KATNAL2: variants seen among roughly 807,000 people sequenced by gnomAD.
The protein encoded by KATNAL2 is katanin catalytic subunit A1 like 2.
A neutral mutation model predicts 76.3 loss-of-function variants in KATNAL2; 52 were observed. That is an observed-to-expected ratio of 0.68 (90% CI 0.55 to 0.86). KATNAL2 has a LOEUF of 0.86. KATNAL2 is among the 40% of genes least tolerant of loss of function. The pLI is 0.00. For missense variants in KATNAL2, 660 were observed against 668.9 expected (o/e 0.99, Z 0.15); for synonymous variants, 243 against 244.2 (o/e 1.00, Z 0.05).
Position 47,094,597 on chromosome 18 carries a change from T to G in KATNAL2, c.1212-4646T>G, listed in dbSNP as rs146183508. On this transcript the variant is annotated intron_variant, in intron 15 of 17. Transcript: ENST00000683218. Reference sequence around the variant, plus strand: ...AAGCTCTGTGCATGTGGCAAAGGCTTGCCAACTGTGGGCTCCATGTATTGA... The same window carrying G: ...AAGCTCTGTGCATGTGGCAAAGGCTGGCCAACTGTGGGCTCCATGTATTGA... 3.9e-4 allele frequency among the ~76,000 whole-genome samples: 60 copies of G among 152,344 alleles called. No homozygotes were observed. The East Asian group carries it at 9.5e-3, about 24-fold the overall frequency.
Position 47,025,502 on chromosome 18 carries a change from AGTGTGTGTGTGTGTGTGTGT to A in KATNAL2, c.52-20928_52-20909del, listed in dbSNP as rs139200050. ...ACATGACTTTCTCTCTCTCTCTCTCAGTGTGTGTGTGTGTGTGTGTGTGTGTGTGTGTGTGTGTGTGTGTG... is the reference window on the plus strand; with the variant it reads ...ACATGACTTTCTCTCTCTCTCTCTCAGTGTGTGTGTGTGTGTGTGTGTGTG... On this transcript the variant is annotated intron_variant, in intron 3 of 17. Coordinates refer to ENST00000683218, the MANE Select transcript of KATNAL2 (RefSeq NM_001387690.1). 9.0e-5 allele frequency among the ~76,000 whole-genome samples: 13 copies of A among 144,724 alleles called. No individual in the cohort carries two copies. In the East Asian group the frequency reaches 1.8e-3, roughly 21 times the overall value. The allele number at this position is 144,724 out of a possible 152,430, so 94.9% of individuals were successfully genotyped here.
At chr18:47,069,972 G>A (rs996591506) in intron 13 of KATNAL2, among the ~76,000 whole-genome samples, 2 of 151,974 alleles carry the variant, frequency 1.3e-5, no homozygotes, top group Non-Finnish European at 2.9e-5. Flanking sequence ...GGCTACTACT[G>A]TATGTTAGTC....
chr18:46,956,330 T>C (rs1166233838), intron 3 of KATNAL2, among the ~76,000 whole-genome samples: 1 of 152,238 alleles, frequency 6.6e-6, no homozygotes, highest in Non-Finnish European at 1.5e-5. Context: ...CTAAATGGGA[T>C]TAGTGACACT....
intron 1 of KATNAL2, among the ~76,000 whole-genome samples, chr18:46,924,035 C>G (rs2146499965): frequency 6.6e-6 from 1 of 152,270 alleles, no homozygotes; most frequent in Non-Finnish European, 1.5e-5. Flanking sequence ...TGCCTGTTCA[C>G]TCTGATGCTA....
At chr18:47,034,820 G>C in intron 3 of KATNAL2, 1 of 1,612,122 alleles carries the variant, frequency 6.2e-7, no homozygotes, top group South Asian at 1.1e-5. Flanking sequence ...CTGGGCTCGC[G>C]ACTGTGAGAC....
intron 3 of KATNAL2, among the ~76,000 whole-genome samples, chr18:46,954,474 G>A (rs1217433832): frequency 6.6e-6 from 1 of 151,526 alleles, no homozygotes; most frequent in Non-Finnish European, 1.5e-5. Flanking sequence ...GGGACTACAG[G>A]TGTGTGCCAC....
chr18:47,035,530 C>T (rs540106663), intron 3 of KATNAL2: 1 of 690,676 alleles, frequency 1.4e-6, no homozygotes, highest in East Asian at 2.8e-5. Flanking sequence ...CTGCAGTTTG[C>T]TGTGCAACAA....
At chr18:47,061,225 T>C (rs1250033625) in intron 8 of KATNAL2, among the ~76,000 whole-genome samples, 1 of 152,202 alleles carries the variant, frequency 6.6e-6, no homozygotes, top group Non-Finnish European at 1.5e-5. Flanking sequence ...CTGAGTAGTT[T>C]ATAAAGAAAA....
At chr18:46,944,532 C>T (rs912076658) in intron 1 of KATNAL2, among the ~76,000 whole-genome samples, 8 of 151,940 alleles carry the variant, frequency 5.3e-5, no homozygotes, top group African/African-American at 9.7e-5. Context: ...GTCAGGAGTT[C>T]GAGACCAGCC....
intron 3 of KATNAL2, among the ~76,000 whole-genome samples, chr18:47,042,569 G>GA (rs912193437): frequency 2.0e-5 from 3 of 151,934 alleles, no homozygotes; most frequent in African/African-American, 7.2e-5. Context: ...AAGATGCTAT[G>GA]AAAAAAGAAA....
chr18:47,037,162 G>A (rs1212812905), intron 3 of KATNAL2, among the ~76,000 whole-genome samples: 3 of 152,110 alleles, frequency 2.0e-5, no homozygotes, highest in South Asian at 4.2e-4. Flanking sequence ...CATTGCACCC[G>A]TAAAAAGGAA....
intron 3 of KATNAL2, among the ~76,000 whole-genome samples, chr18:47,032,127 G>A (rs1022745909): frequency 2.0e-5 from 3 of 152,186 alleles, no homozygotes; most frequent in African/African-American, 7.2e-5. Flanking sequence ...TCTTTCATAG[G>A]GGTTCTGGGT....
intron 3 of KATNAL2, among the ~76,000 whole-genome samples, chr18:46,953,442 C>T (rs2059627928): frequency 6.6e-6 from 1 of 152,144 alleles, no homozygotes; most frequent in Non-Finnish European, 1.5e-5. Flanking sequence ...AGGTCGAGAC[C>T]AGCCTGGGCA....
intron 3 of KATNAL2, chr18:47,033,231 G>A (rs1310450920): frequency 6.2e-7 from 1 of 1,613,716 alleles, no homozygotes; most frequent in South Asian, 1.1e-5. Flanking sequence ...TGCTTCCCGC[G>A]GGCTTGGAGG....
intron 3 of KATNAL2, among the ~76,000 whole-genome samples, chr18:46,951,957 G>T (rs559782727): frequency 3.1e-3 from 469 of 152,116 alleles, no homozygotes; most frequent in Non-Finnish European, 5.3e-3. Context: ...ATTTTTAGTA[G>T]ACATGGGGTT....
chr18:47,054,987 C>G lies in KATNAL2; in HGVS notation c.332+549C>G, dbSNP rs147040627. ...CTTTTCCCTCCTGTTCACAGCTCATCTTGCATTCCTTTCTCCAGCTTCTCA... is the reference window on the plus strand; with the variant it reads ...CTTTTCCCTCCTGTTCACAGCTCATGTTGCATTCCTTTCTCCAGCTTCTCA... On this transcript the variant is annotated intron_variant, in intron 6 of 17. Coordinates refer to ENST00000683218, the MANE Select transcript of KATNAL2 (RefSeq NM_001387690.1). Among the ~76,000 whole-genome samples the G allele has an allele frequency of 7.2e-4, 110 of 152,376 alleles. 1 individual carries two copies. The highest frequency in any genetic ancestry group is 7.1e-3 in the East Asian group (37 of 5,186).
intron 3 of KATNAL2, among the ~76,000 whole-genome samples, chr18:46,950,852 T>C (rs1198935147): frequency 6.6e-6 from 1 of 152,022 alleles, no homozygotes; most frequent in Non-Finnish European, 1.5e-5. Flanking sequence ...ACCCGGCTAA[T>C]TTTGTATTTT....
At chr18:46,952,687 C>G (rs2059600717) in intron 3 of KATNAL2, among the ~76,000 whole-genome samples, 1 of 152,074 alleles carries the variant, frequency 6.6e-6, no homozygotes, top group Non-Finnish European at 1.5e-5. Flanking sequence ...GCGTGAGCCA[C>G]TGCCCCTGGC....
chr18:47,081,618 T>C (rs867515961), intron 15 of KATNAL2, among the ~76,000 whole-genome samples: 1 of 152,210 alleles, frequency 6.6e-6, no homozygotes, highest in East Asian at 1.9e-4. Flanking sequence ...CATGCTGCTG[T>C]GGCAGAAATG....
Sources: gnomAD v4.1 joint callset for allele counts (sites outside exome capture counted in the v4.1 genomes callset) on GRCh38, gnomAD v4.1.1 for gene constraint, MANE v1.5 for transcripts, NCBI Gene and HGNC (gene_info 2026-07-23, HGNC 2026-07-21) for gene names.